PIK3C2G: variants seen among roughly 807,000 people sequenced by gnomAD.
PIK3C2G encodes phosphatidylinositol-4-phosphate 3-kinase catalytic subunit type 2 gamma, also known as phosphatidylinositol 3-kinase C2 domain-containing subunit gamma.
Under a neutral mutation model 181.1 loss-of-function variants are expected in PIK3C2G, and 168 were observed. That is an observed-to-expected ratio of 0.93 (90% CI 0.82 to 1.05). PIK3C2G has a LOEUF of 1.05. PIK3C2G is among the 50% of genes least tolerant of loss of function. PIK3C2G has a pLI of 0.00. For synonymous variants in PIK3C2G, 573 were observed against 592.2 expected (o/e 0.97, Z 0.47); for missense variants, 1,869 against 1,732.8 (o/e 1.08, Z -1.40).
chr12:18,266,963 A>G lies in PIK3C2G; in HGVS notation c.-79+5386A>G, dbSNP rs560152886. Among the ~76,000 whole-genome samples the G allele has an allele frequency of 1.4e-4, 22 of 152,020 alleles. No individual in the cohort carries two copies. The East Asian group carries it at 4.1e-3, about 28-fold the overall frequency. The stretch of plus-strand genomic sequence containing the variant: ...TGTACCATATACATATGCAGATGTA[A>G]TATGCATATTCAGGGTTTTCTTTTT... On this transcript the variant is annotated intron_variant, in intron 1 of 32. Transcript: ENST00000538779.
chr12:18,248,920 A>C (rs1411535011), intron 1 of PIK3C2G, among the ~76,000 whole-genome samples: 1 of 152,160 alleles, frequency 6.6e-6, no homozygotes, highest in East Asian at 1.9e-4. Context: ...AAACATCTCC[A>C]TTTATGCATA....
In PIK3C2G at chr12:18,313,998, A is replaced by C; in HGVS notation, c.1071A>C (p.Lys357Asn). 3 of 1,592,392 alleles carry C rather than the reference A, an allele frequency of 1.9e-6. No individual in the cohort carries two copies. The highest frequency in any genetic ancestry group is 2.6e-6 in the Non-Finnish European group (3 of 1,168,318). Residue 357 changes from lysine (K) to asparagine (N), a missense_variant, in exon 6 of 33, where the codon AAA becomes AAC. Lys to Asn is a moderately conservative substitution (Grantham distance 94). Coordinates refer to ENST00000538779, the MANE Select transcript of PIK3C2G (RefSeq NM_001288772.2). The part of the protein sequence containing the change: ...HCLGSHKMFQ[K>N]DKSVIQLHLQ... ...TGGGGAGCCACAAAATGTTTCAAAA[A>C]GATAAATCTGTTATTCAGCTCCACC...
At chr12:18,712,979 C>T in the PIK3C2G span, 5 of 1,613,906 alleles carry the variant, frequency 3.1e-6, no homozygotes, top group Non-Finnish European at 4.2e-6. Flanking sequence ...CATCCTTTCA[C>T]AAGGGCACTA....
chr12:18,345,646 T>C (rs1157604139), intron 10 of PIK3C2G, among the ~76,000 whole-genome samples: 1 of 152,168 alleles, frequency 6.6e-6, no homozygotes, highest in Non-Finnish European at 1.5e-5. Flanking sequence ...TATTTTCATT[T>C]CCAAACAATT....
chr12:18,293,388 T>C (rs945765019), intron 4 of PIK3C2G, among the ~76,000 whole-genome samples: 8 of 152,198 alleles, frequency 5.3e-5, no homozygotes, highest in Non-Finnish European at 1.0e-4. Context: ...ATTGTCTTAA[T>C]GTCATGGCAT....
At chr12:18,293,293 A>G (rs1234956865) in intron 4 of PIK3C2G, among the ~76,000 whole-genome samples, 1 of 152,200 alleles carries the variant, frequency 6.6e-6, no homozygotes, top group Non-Finnish European at 1.5e-5. Flanking sequence ...ACTTGTTTAC[A>G]TAAATCAACT....
downstream of PIK3C2G, among the ~76,000 whole-genome samples, chr12:18,652,843 T>C (rs959183252): frequency 6.6e-6 from 1 of 152,106 alleles, no homozygotes; most frequent in Non-Finnish European, 1.5e-5. Flanking sequence ...AGTTGTCTCA[T>C]AGCAACATAT....
intron 18 of PIK3C2G, among the ~76,000 whole-genome samples, chr12:18,428,710 C>G (rs191973356): frequency 2.6e-4 from 40 of 152,296 alleles, no homozygotes; most frequent in Non-Finnish European, 5.1e-4. Context: ...ACGTGAGTCT[C>G]TTCCACTGGA....
chr12:18,597,417 T>G (rs928401119), intron 30 of PIK3C2G, among the ~76,000 whole-genome samples: 3 of 152,048 alleles, frequency 2.0e-5, no homozygotes, highest in African/African-American at 7.2e-5. Flanking sequence ...AAAGACTTTC[T>G]TTAAAAATCA....
intron 24 of PIK3C2G, among the ~76,000 whole-genome samples, chr12:18,537,924 A>C (rs1341206991): frequency 6.6e-6 from 1 of 152,034 alleles, no homozygotes; most frequent in Non-Finnish European, 1.5e-5. Context: ...CATTTCAGAC[A>C]ATATAGTTGA....
At chr12:18,461,855 T>G (rs989085863) in intron 18 of PIK3C2G, among the ~76,000 whole-genome samples, 2 of 152,164 alleles carry the variant, frequency 1.3e-5, no homozygotes, top group African/African-American at 4.8e-5. Context: ...GCATGGTATT[T>G]TGTTATAGCA....
chr12:18,475,886 T>C (rs1473647853), intron 18 of PIK3C2G, among the ~76,000 whole-genome samples: 2 of 152,126 alleles, frequency 1.3e-5, no homozygotes, highest in Non-Finnish European at 2.9e-5. Flanking sequence ...TTTTAATCAA[T>C]AAATAAATTT....
rs369222496 is a variant in PIK3C2G at position 18,500,510 on chromosome 12, C to T, written c.3016+2762C>T. Among the ~76,000 whole-genome samples the T allele has an allele frequency of 4.4e-4, 67 of 152,336 alleles. No homozygotes were observed. The East Asian group carries it at 0.012, about 28-fold the overall frequency. ...CACGGCGCCCAGTCCCATCGACCAC[C>T]TAAGGGCTGAGGAGTGTGGGCGCAC... is the stretch of plus-strand genomic sequence containing the variant. On this transcript the variant is annotated intron_variant, in intron 22 of 32. Coordinates refer to ENST00000538779, the MANE Select transcript of PIK3C2G (RefSeq NM_001288772.2).
intron 1 of PIK3C2G, among the ~76,000 whole-genome samples, chr12:18,273,015 GAC>G (rs1390407526): frequency 6.7e-6 from 1 of 148,764 alleles, no homozygotes; most frequent in East Asian, 2.0e-4. Context: ...CCCATCCATA[GAC>G]ACACACAAAC....
At chr12:18,596,483 AC>A (rs1346765074) in intron 30 of PIK3C2G, among the ~76,000 whole-genome samples, 5 of 152,082 alleles carry the variant, frequency 3.3e-5, no homozygotes, top group Admixed American at 3.3e-4. Flanking sequence ...TAATACCTCC[AC>A]AAAAAAATAA....
chr12:18,633,387 T>A (rs2136742537), intron 31 of PIK3C2G, among the ~76,000 whole-genome samples: 1 of 152,332 alleles, frequency 6.6e-6, no homozygotes, highest in East Asian at 1.9e-4. Flanking sequence ...AAAATAGTCA[T>A]CTCTGTAACT....
Position 18,629,091 on chromosome 12 carries a change from A to G in PIK3C2G, c.4183-11338A>G, listed in dbSNP as rs191833235. 2.4e-4 allele frequency among the ~76,000 whole-genome samples: 37 copies of G among 152,346 alleles called. No individual in the cohort carries two copies. In the East Asian group the frequency reaches 6.2e-3, roughly 25 times the overall value. On this transcript the variant is annotated intron_variant, in intron 31 of 32. Transcript: ENST00000538779. ...AAATGTATTAATTCCCTCTGTGGAG[A>G]ATGTTTGGTGTTAACATGGATCCAG... is the stretch of plus-strand genomic sequence containing the variant.
intron 1 of PIK3C2G, among the ~76,000 whole-genome samples, chr12:18,276,663 A>T (rs1354383038): frequency 6.6e-6 from 1 of 152,140 alleles, no homozygotes; most frequent in Non-Finnish European, 1.5e-5. Flanking sequence ...TTGTACTGTA[A>T]TATAAATTTT....
chr12:18,566,867 A>C (rs962481644), intron 28 of PIK3C2G, 82 bp from the exon 29 acceptor site: 15 of 754,350 alleles, frequency 2.0e-5, no homozygotes, highest in Non-Finnish European at 1.2e-5. Flanking sequence ...CATCTGATAC[A>C]GCTGTAACTA....
Sources: allele counts gnomAD v4.1 joint callset (sites outside exome capture counted in the v4.1 genomes callset), GRCh38; gene constraint gnomAD v4.1.1; transcripts MANE v1.5; gene names NCBI Gene and HGNC (gene_info 2026-07-23, HGNC 2026-07-21).